DCPS: variants seen among roughly 807,000 people sequenced by gnomAD.
DCPS encodes the protein decapping enzyme, scavenger.
DCPS carries 27 observed loss-of-function variants against 34.7 expected under a neutral mutation model. The ratio of observed to expected loss-of-function variants is 0.78; its 90% CI spans 0.57 to 1.07. The LOEUF (loss-of-function observed/expected upper bound fraction) is 1.07, where lower values mean the gene tolerates loss of function less well. Ranked by LOEUF, DCPS falls within the 50% of genes least tolerant of loss-of-function variation. The probability of loss-of-function intolerance (pLI) is 0.00; values close to 1 mark genes in which losing one functional copy is unlikely to be tolerated. For missense variants in DCPS, 464 were observed against 436.9 expected, an observed-to-expected ratio of 1.06 and a Z score of -0.55; for synonymous variants, 185 against 185.7, an observed-to-expected ratio of 1.00 and a Z score of 0.03.
chr11:126,305,654 C>T (rs548222400), intron 1 of DCPS, among the ~76,000 whole-genome samples: 6 of 152,286 alleles, frequency 3.9e-5, no homozygotes, highest in Non-Finnish European at 8.8e-5. Context: ...CTCCTGACCT[C>T]AGGTGATCCA....
rs1437118421 is a variant in DCPS, at chr11:126,334,048, T to C, written c.522+2498T>C. On this transcript the variant is annotated intron_variant, in intron 3 of 5. Transcript: ENST00000263579. The surrounding 1 kb of genome is among the most constrained non-coding windows in gnomAD (Gnocchi z 5.5). ...ACAGGAAGACTGGGAAAAACCAGTATGGGTCTGAACCAAGGTAGGGACAGT... is the reference window on the plus strand; with the variant it reads ...ACAGGAAGACTGGGAAAAACCAGTACGGGTCTGAACCAAGGTAGGGACAGT... Among the ~76,000 whole-genome samples the C allele has an allele frequency of 6.6e-6, 1 of 152,118 alleles. No homozygotes were observed. The highest frequency in any genetic ancestry group is 1.5e-5 in the Non-Finnish European group (1 of 68,034).
Position 126,333,351 on chromosome 11 carries a change from G to C in DCPS, c.522+1801G>C, listed in dbSNP as rs1273007355. On this transcript the variant is annotated intron_variant, in intron 3 of 5. Coordinates refer to ENST00000263579, the MANE Select transcript of DCPS (RefSeq NM_014026.6). The surrounding 1 kb of genome is among the most constrained non-coding windows in gnomAD (Gnocchi z 5.7). Reference sequence around the variant, plus strand: ...GGACCTGGTCCTATGCCAGGCTTTGGAGAGTCACCAAGATGATGAAACCTA... The same window carrying C: ...GGACCTGGTCCTATGCCAGGCTTTGCAGAGTCACCAAGATGATGAAACCTA... Among the ~76,000 whole-genome samples the C allele has an allele frequency of 6.6e-6, 1 of 152,194 alleles. No individual in the cohort carries two copies. Among genetic ancestry groups the C allele is most frequent in the African/African-American group, 2.4e-5 (1 of 41,448 alleles).
Position 126,349,721 on chromosome 11 carries a change from CTG to C in DCPS, c.*4110_*4111del, listed in dbSNP as rs1465798453. Among the ~76,000 whole-genome samples, 13 of 152,302 alleles carry C rather than the reference CTG, an allele frequency of 8.5e-5. No individual in the cohort carries two copies. The highest frequency in any genetic ancestry group is 3.1e-4 in the African/African-American group (13 of 41,564). Reference sequence around the variant, plus strand: ...GCCAACTCTTCCTTCTCAGGAAGGACTGTTTTTATTCCAAACATGTATATATA... The same window carrying C: ...GCCAACTCTTCCTTCTCAGGAAGGACTTTTTATTCCAAACATGTATATATA... On this transcript the variant is annotated 3_prime_UTR_variant, in exon 6 of 6. Transcript: ENST00000263579. This position sits in a 1 kb window ranked among gnomAD's most constrained non-coding sequence, Gnocchi z 5.4.
intron 2 of DCPS, among the ~76,000 whole-genome samples, chr11:126,318,571 T>C (rs611151): frequency 0.72 from 109,529 of 152,162 alleles, 40,135 homozygotes; most frequent in East Asian, 0.99. Flanking sequence ...TGGCATGCCT[T>C]GCGAAGTCCG....
At chr11:126,316,296 C>T (rs1320050529) in intron 2 of DCPS, among the ~76,000 whole-genome samples, 1 of 151,644 alleles carries the variant, frequency 6.6e-6, no homozygotes. Context: ...AATGTATAAA[C>T]TTTCTTAAAA....
In DCPS at chr11:126,313,851, C is replaced by T. The variant is rs1321437113; in HGVS notation, c.376+7107C>T. 6.6e-6 allele frequency among the ~76,000 whole-genome samples: 1 copy of T among 152,214 alleles called. No homozygotes were observed. The highest frequency in any genetic ancestry group is 1.5e-5 in the Non-Finnish European group (1 of 68,048). On this transcript the variant is annotated intron_variant, in intron 2 of 5. Transcript: ENST00000263579. The surrounding 1 kb of genome is among the most constrained non-coding windows in gnomAD (Gnocchi z 4.9). ...TTTTAAGTGGTACATATTTTATATA[C>T]ATACACACCTGTGTTTTATATGTAT...
chr11:126,344,745 C>T lies in DCPS; in HGVS notation c.748-602C>T, dbSNP rs981524109. 1.3e-5 allele frequency among the ~76,000 whole-genome samples: 2 copies of T among 152,192 alleles called. No homozygotes were observed. Among genetic ancestry groups the T allele is most frequent in the Non-Finnish European group, 2.9e-5 (2 of 68,038 alleles). On this transcript the variant is annotated intron_variant, in intron 5 of 5. Transcript: ENST00000263579. The surrounding 1 kb of genome is among the most constrained non-coding windows in gnomAD (Gnocchi z 8.1). The stretch of plus-strand genomic sequence containing the variant: ...CAAGGTGGAGGTGGGCAAAGGGAGC[C>T]AGGGCCAAAGTCAATGCTTTCCTCT...
rs911551785 is a variant in DCPS, at chr11:126,331,831, C to A, written c.522+281C>A. Reference sequence around the variant, plus strand: ...AGACAGGATAAGTGGGACCAGAAGGCCTGGGGCGGGCAATTGCCATTTTAT... The same window carrying A: ...AGACAGGATAAGTGGGACCAGAAGGACTGGGGCGGGCAATTGCCATTTTAT... On this transcript the variant is annotated intron_variant, in intron 3 of 5. Transcript: ENST00000263579. The surrounding 1 kb of genome is among the most constrained non-coding windows in gnomAD (Gnocchi z 7.2). Among the ~76,000 whole-genome samples, 4 of 152,102 alleles carry A rather than the reference C, an allele frequency of 2.6e-5. No homozygotes were observed. The highest frequency in any genetic ancestry group is 5.9e-5 in the Non-Finnish European group (4 of 68,018).
In DCPS at chr11:126,349,888, T is replaced by C. The variant is rs1418716383; in HGVS notation, c.*4275T>C. ...AAATTACATTGAATTCTGAAATCCA[T>C]GTCAACTTGAAGTTACCAAGTTTTA... On this transcript the variant is annotated 3_prime_UTR_variant, in exon 6 of 6. Coordinates refer to ENST00000263579, the MANE Select transcript of DCPS (RefSeq NM_014026.6). The surrounding 1 kb of genome is among the most constrained non-coding windows in gnomAD (Gnocchi z 5.4). Among the ~76,000 whole-genome samples, 2 of 152,262 alleles carry C rather than the reference T, an allele frequency of 1.3e-5. No homozygotes were observed. Among genetic ancestry groups the C allele is most frequent in the African/African-American group, 2.4e-5 (1 of 41,480 alleles).
At chr11:126,308,772 G>C (rs191338486) in intron 2 of DCPS, among the ~76,000 whole-genome samples, 1 of 131,986 alleles carries the variant, frequency 7.6e-6, no homozygotes, top group South Asian at 2.6e-4. Flanking sequence ...CTGCCCGACA[G>C]ATGAACCCTG....
rs1281687032 is a variant in DCPS, at chr11:126,313,958, C to T, written c.376+7214C>T. ...AAGATCGTCCCATGAATTTCAAGGG[C>T]TGCATCCTCATTCTGAAGTGTGGTT... On this transcript the variant is annotated intron_variant, in intron 2 of 5. Coordinates refer to ENST00000263579, the MANE Select transcript of DCPS (RefSeq NM_014026.6). This position sits in a 1 kb window ranked among gnomAD's most constrained non-coding sequence, Gnocchi z 4.9. 3.3e-5 allele frequency among the ~76,000 whole-genome samples: 5 copies of T among 152,214 alleles called. No homozygotes were observed. The highest frequency in any genetic ancestry group is 1.2e-4 in the African/African-American group (5 of 41,466).
In DCPS at chr11:126,344,656, G is replaced by C. The variant is rs570128442; in HGVS notation, c.748-691G>C. On this transcript the variant is annotated intron_variant, in intron 5 of 5. Transcript: ENST00000263579. The surrounding 1 kb of genome is among the most constrained non-coding windows in gnomAD (Gnocchi z 8.1). ...GCCCACAATGGAGATGAGAGTCTCC[G>C]CTTAATTCTATGCCTCACAGCCTCC... Among the ~76,000 whole-genome samples, 1 of 152,156 alleles carries C rather than the reference G, an allele frequency of 6.6e-6. No individual in the cohort carries two copies. Among genetic ancestry groups the C allele is most frequent in the Non-Finnish European group, 1.5e-5 (1 of 68,026 alleles).
rs2135331180 is a variant in DCPS, at chr11:126,336,032, C to T, written c.523-2254C>T. Among the ~76,000 whole-genome samples, 1 of 150,182 alleles carries T rather than the reference C, an allele frequency of 6.7e-6. No homozygotes were observed. The highest frequency in any genetic ancestry group is 2.1e-4 in the South Asian group (1 of 4,736). On this transcript the variant is annotated intron_variant, in intron 3 of 5. Coordinates refer to ENST00000263579, the MANE Select transcript of DCPS (RefSeq NM_014026.6). This position sits in a 1 kb window ranked among gnomAD's most constrained non-coding sequence, Gnocchi z 6.3. ...CCCAGCTACTGAGGCAAGAGAATCGCTTGAACCTGGGAGGCGGAGGTTGCA... is the reference window on the plus strand; with the variant it reads ...CCCAGCTACTGAGGCAAGAGAATCGTTTGAACCTGGGAGGCGGAGGTTGCA...
Position 126,323,578 on chromosome 11 carries a change from C to G in DCPS, c.377-7827C>G, listed in dbSNP as rs1225610456. ...TGAGACAGGGTCTTGCTCAGTCACC[C>G]AGGCTGGAGCGCAGTGGCACGATCA... On this transcript the variant is annotated intron_variant, in intron 2 of 5. Transcript: ENST00000263579. This position sits in a 1 kb window ranked among gnomAD's most constrained non-coding sequence, Gnocchi z 4.4. Among the ~76,000 whole-genome samples the G allele has an allele frequency of 6.6e-6, 1 of 151,752 alleles. No individual in the cohort carries two copies. Among genetic ancestry groups the G allele is most frequent in the African/African-American group, 2.4e-5 (1 of 41,298 alleles).
At chr11:126,317,942 T>C (rs685903) in intron 2 of DCPS, among the ~76,000 whole-genome samples, 68,213 of 151,980 alleles carry the variant, frequency 0.45, 16,603 homozygotes, top group East Asian at 0.86. Context: ...CTCTATCCAT[T>C]GTAACTGAGG....
rs1012765551 is a variant in DCPS, at chr11:126,325,635, T to C, written c.377-5770T>C. ...GCAGGGAGGAGCAGAAAAGTGTTTT[T>C]GAAAACAAGCTTCATTTGACTCTTT... On this transcript the variant is annotated intron_variant, in intron 2 of 5. Coordinates refer to ENST00000263579, the MANE Select transcript of DCPS (RefSeq NM_014026.6). This position sits in a 1 kb window ranked among gnomAD's most constrained non-coding sequence, Gnocchi z 4.3. Among the ~76,000 whole-genome samples the C allele has an allele frequency of 6.6e-6, 1 of 152,188 alleles. No homozygotes were observed. The highest frequency in any genetic ancestry group is 2.1e-4 in the South Asian group (1 of 4,832).
Position 126,347,472 on chromosome 11 carries a change from T to C in DCPS, c.*1859T>C, listed in dbSNP as rs1973458. Among the ~76,000 whole-genome samples the C allele has an allele frequency of 0.13, 19,499 of 151,984 alleles. 1,415 individuals carry two copies. Among genetic ancestry groups the C allele is most frequent in the African/African-American group, 0.21 (8,559 of 41,442 alleles). ...CTCCTGGCCTCAGGTGATCCACCCA[T>C]CTCGGCCTCCCAAAGTGCTGGGATT... is the stretch of plus-strand genomic sequence containing the variant. On this transcript the variant is annotated 3_prime_UTR_variant, in exon 6 of 6. Transcript: ENST00000263579. The surrounding 1 kb of genome is among the most constrained non-coding windows in gnomAD (Gnocchi z 4.2).
Position 126,345,578 on chromosome 11 carries a change from CT to C in DCPS, c.980del (p.Leu327ArgfsTer77). On this transcript the variant is annotated frameshift_variant, in exon 6 of 6. Coordinates refer to ENST00000263579, the MANE Select transcript of DCPS (RefSeq NM_014026.6). LOFTEE classifies it high-confidence loss of function. The surrounding 1 kb of genome is among the most constrained non-coding windows in gnomAD (Gnocchi z 7.4). The stretch of plus-strand genomic sequence containing the variant: ...CTTCGCCCTCAGGGCTGACGACCCC[CT>C]GCTCAAGCTCTTGCAGGAGGCTCAG... ...LTFALRADDP[L>X]LKLLQEAQQS 6.2e-7 allele frequency: 1 copy of C among 1,613,668 alleles called. No homozygotes were observed. The highest frequency in any genetic ancestry group is 8.5e-7 in the Non-Finnish European group (1 of 1,180,002).
At position 126,304,111 on chromosome 11, in the gene DCPS, A is replaced by C. The variant is rs752586869; in HGVS notation, c.31A>C (p.Arg11=). The C allele has an allele frequency of 5.0e-6, 8 of 1,613,000 alleles. No homozygotes were observed. Among genetic ancestry groups the C allele is most frequent in the Non-Finnish European group, 6.8e-6 (8 of 1,179,570 alleles). Reference sequence around the variant, plus strand: ...GGACGCAGCTCCTCAACTAGGCAAGAGGAAGCGCGAATTGGACGTGGAGGA... The same window carrying C: ...GGACGCAGCTCCTCAACTAGGCAAGCGGAAGCGCGAATTGGACGTGGAGGA... MADAAPQLGK[R]KRELDVEEAH... The change falls in exon 1 of 6, where the codon AGG becomes CGG. Residue 11 remains arginine (R), a synonymous_variant. Transcript: ENST00000263579.
Sources: gnomAD v4.1 joint callset for allele counts (sites outside exome capture counted in the v4.1 genomes callset) on GRCh38, gnomAD v4.1.1 for gene constraint, Gnocchi (gnomAD v3.1) non-coding constraint, MANE v1.5 for transcripts, NCBI Gene and HGNC (gene_info 2026-07-23, HGNC 2026-07-21) for gene names.